The following PLOD2 variants were observed in gnomAD, a reference collection of about 807,000 sequenced individuals.
The protein encoded by PLOD2 is lysine hydroxylase 2.
A neutral mutation model predicts 101.0 loss-of-function variants in PLOD2; 65 were observed. That is an observed-to-expected ratio of 0.64 (90% CI 0.53 to 0.79). PLOD2 has a LOEUF of 0.79. PLOD2 is among the 30% of genes least tolerant of loss of function. PLOD2 has a pLI of 0.00. For synonymous variants in PLOD2, 314 were observed against 302.9 expected (o/e 1.04, Z -0.38); for missense variants, 909 against 914.6 (o/e 0.99, Z 0.08).
At chr3:146,111,426 T>C (rs979597028) in intron 3 of PLOD2, among the ~76,000 whole-genome samples, 6 of 152,066 alleles carry the variant, frequency 3.9e-5, no homozygotes, top group Non-Finnish European at 5.9e-5. Flanking sequence ...ACTTAACCTC[T>C]TTACACTTAA....
intron 5 of PLOD2, among the ~76,000 whole-genome samples, chr3:146,106,301 C>T (rs1937533768): frequency 6.6e-6 from 1 of 152,122 alleles, no homozygotes; most frequent in Non-Finnish European, 1.5e-5. Flanking sequence ...GCAAGTTTGC[C>T]AACTTGGCCA....
intron 1 of PLOD2, among the ~76,000 whole-genome samples, chr3:146,152,718 A>G (rs2032116780): frequency 6.6e-6 from 1 of 152,188 alleles, no homozygotes; most frequent in Non-Finnish European, 1.5e-5. Context: ...TTGCTTACCC[A>G]TAAGTGCTTC....
intron 1 of PLOD2, among the ~76,000 whole-genome samples, chr3:146,145,534 A>G (rs1559871671): frequency 1.3e-5 from 2 of 152,182 alleles, no homozygotes. Context: ...GTTCAGCAGG[A>G]GTTTCAGCCA....
chr3:146,151,531 G>A (rs1251416960), intron 1 of PLOD2, among the ~76,000 whole-genome samples: 1 of 151,856 alleles, frequency 6.6e-6, no homozygotes, highest in Non-Finnish European at 1.5e-5. Context: ...TCAAATCACA[G>A]CACTGTAAGG....
intron 3 of PLOD2, among the ~76,000 whole-genome samples, chr3:146,114,878 G>A (rs548744859): frequency 6.6e-6 from 1 of 152,240 alleles, no homozygotes; most frequent in East Asian, 1.9e-4. Flanking sequence ...CCCAACTGCG[G>A]AACAGCACAG....
chr3:146,112,971 A>G (rs910902605), intron 3 of PLOD2, among the ~76,000 whole-genome samples: 4 of 152,262 alleles, frequency 2.6e-5, no homozygotes, highest in African/African-American at 9.6e-5. Flanking sequence ...ACTTGAAGTA[A>G]AATAATAATA....
intron 3 of PLOD2, among the ~76,000 whole-genome samples, chr3:146,112,495 T>C (rs1368778189): frequency 1.3e-5 from 2 of 151,620 alleles, no homozygotes; most frequent in Non-Finnish European, 1.5e-5. Flanking sequence ...GTGGAGTTTG[T>C]CGGTGGGCGG....
chr3:146,146,838 G>A (rs987170605), intron 1 of PLOD2, among the ~76,000 whole-genome samples: 2 of 152,144 alleles, frequency 1.3e-5, no homozygotes, highest in Non-Finnish European at 2.9e-5. Context: ...AATTGTATAA[G>A]CTTGTAATTA....
Position 146,097,800 on chromosome 3 carries a change from A to T in PLOD2, c.777+4955T>A, listed in dbSNP as rs1240920863. ...AAACACCCAAGAATGATCAATAAAAAAAAAATAATAATAATAATAATAATA... is the reference window on the plus strand; with the variant it reads ...AAACACCCAAGAATGATCAATAAAATAAAAATAATAATAATAATAATAATA... On this transcript the variant is annotated intron_variant, in intron 7 of 19. Transcript: ENST00000282903. Among the ~76,000 whole-genome samples, 150 of 94,430 alleles carry T rather than the reference A, an allele frequency of 1.6e-3. 1 individual carries two copies. Among genetic ancestry groups the T allele is most frequent in the African/African-American group, 5.9e-3 (141 of 23,932 alleles). 61.9% of individuals were successfully genotyped at this position (94,430 alleles called of 152,430 possible).
chr3:146,088,653 C>T lies in PLOD2; in HGVS notation c.938G>A (p.Arg313Gln), dbSNP rs140677905. The stretch of plus-strand genomic sequence containing the variant: ...CAGTGTCAACAATATGTCCAGAAAC[C>T]GAGGTAGAAAAGGGGTTGGTTGCTC... Reference protein sequence around the residue: ...FIEQPTPFLPRFLDILLTLDY... With the variant: ...FIEQPTPFLPQFLDILLTLDY... The change falls in exon 9 of 20, where the codon CGG (arginine) becomes CAG (glutamine). Residue 313 changes from arginine to glutamine, a missense_variant. Coordinates refer to ENST00000282903, the MANE Select transcript of PLOD2 (RefSeq NM_182943.3). The T allele has an allele frequency of 1.7e-5, 27 of 1,605,458 alleles. No homozygotes were observed. The highest frequency in any genetic ancestry group is 1.7e-5 in the Admixed American group (1 of 59,774).
intron 1 of PLOD2, among the ~76,000 whole-genome samples, chr3:146,155,584 C>G (rs1285950970): frequency 6.6e-6 from 1 of 150,890 alleles, no homozygotes; most frequent in Non-Finnish European, 1.5e-5. Context: ...GGCATGGTGG[C>G]GGGCACCTGT....
At chr3:146,140,856 T>C (rs1034678858) in intron 1 of PLOD2, among the ~76,000 whole-genome samples, 3 of 152,074 alleles carry the variant, frequency 2.0e-5, no homozygotes, top group Non-Finnish European at 4.4e-5. Context: ...CCAGAACATC[T>C]AAATCTACAG....
chr3:146,120,108 T>A (rs1383134451), intron 3 of PLOD2, among the ~76,000 whole-genome samples: 2 of 109,964 alleles, frequency 1.8e-5, no homozygotes, highest in Non-Finnish European at 3.9e-5. Context: ...GCACCTGTTG[T>A]TTCCTGATTT....
intron 3 of PLOD2, among the ~76,000 whole-genome samples, chr3:146,120,673 C>T (rs7639115): frequency 0.96 from 145,744 of 152,272 alleles, 69,976 homozygotes; most frequent in Non-Finnish European, 0.99. Flanking sequence ...ACCATCAGAG[C>T]GAACGGGCAA....
chr3:146,149,732 T>C (rs1259464249), intron 1 of PLOD2, among the ~76,000 whole-genome samples: 1 of 152,154 alleles, frequency 6.6e-6, no homozygotes, highest in Non-Finnish European at 1.5e-5. Context: ...ATTCAATAAA[T>C]AACAGTTAAT....
At chr3:146,155,333 T>TAAATA (rs57924994) in intron 1 of PLOD2, among the ~76,000 whole-genome samples, 2,078 of 143,348 alleles carry the variant, frequency 0.014, 51 homozygotes, top group African/African-American at 0.055. Context: ...ATAAATAAAT[T>TAAATA]AATTAATTAA....
intron 7 of PLOD2, among the ~76,000 whole-genome samples, chr3:146,096,882 G>GAGGGGA (rs1937191546): frequency 2.6e-5 from 2 of 76,270 alleles, no homozygotes; most frequent in Non-Finnish European, 5.5e-5. Context: ...GAGGGAGGTG[G>GAGGGGA]GGGGGGGGAG....
At chr3:146,076,681 C>A in intron 15 of PLOD2, 101 bp downstream of exon 15, 1 of 675,234 alleles carries the variant, frequency 1.5e-6, no homozygotes, top group South Asian at 1.8e-5. Flanking sequence ...CACCTTATGT[C>A]ATTTTAAAAA....
intron 1 of PLOD2, among the ~76,000 whole-genome samples, chr3:146,144,836 C>A (rs763702581): frequency 1.8e-4 from 19 of 105,368 alleles, no homozygotes; most frequent in South Asian, 5.7e-4. Flanking sequence ...AAAGAAAATA[C>A]ATGAAGATAT....
Sources: allele counts gnomAD v4.1 joint callset (sites outside exome capture counted in the v4.1 genomes callset), GRCh38; gene constraint gnomAD v4.1.1; transcripts MANE v1.5; gene names NCBI Gene and HGNC (gene_info 2026-07-23, HGNC 2026-07-21).